CAMTA1: variants seen among roughly 807,000 people sequenced by gnomAD.
CAMTA1 encodes calmodulin-binding transcription activator 1.
Under a neutral mutation model 170.9 loss-of-function variants are expected in CAMTA1, and 27 were observed. That is an observed-to-expected ratio of 0.16 (90% confidence interval 0.12 to 0.22). The LOEUF (loss-of-function observed/expected upper bound fraction) is 0.22, where lower values mean the gene tolerates loss of function less well. Among genes scored for constraint, CAMTA1 ranks in the 10% least tolerant of loss-of-function variants. CAMTA1 has a pLI of 1.00. For missense variants in CAMTA1, 1,619 were observed against 2,217.2 expected (o/e 0.73, Z 5.42); for synonymous variants, 833 against 891.5 (o/e 0.93, Z 1.17).
At chr1:6,993,044 G>T (rs773188617) in intron 3 of CAMTA1, among the ~76,000 whole-genome samples, 2 of 152,162 alleles carry the variant, frequency 1.3e-5, no homozygotes, top group African/African-American at 4.8e-5. Flanking sequence ...AACCACATAA[G>T]GGTGGATCTA....
At chr1:6,857,887 G>T (rs1255339684) in intron 3 of CAMTA1, among the ~76,000 whole-genome samples, 4 of 152,202 alleles carry the variant, frequency 2.6e-5, no homozygotes, top group Non-Finnish European at 5.9e-5. Context: ...CGGCCAGAAG[G>T]ATGTAATTTT....
chr1:6,941,170 A>G (rs1002513062), intron 3 of CAMTA1, among the ~76,000 whole-genome samples: 6 of 152,044 alleles, frequency 3.9e-5, no homozygotes, highest in African/African-American at 1.4e-4. Context: ...CCCCTCTGGT[A>G]TGTCTGAAGA....
chr1:7,347,371 G>T (rs564639145), intron 5 of CAMTA1, among the ~76,000 whole-genome samples: 3 of 152,308 alleles, frequency 2.0e-5, no homozygotes, highest in Non-Finnish European at 2.9e-5. Context: ...CAGCTCCAGA[G>T]CCCAGCCAGT....
In CAMTA1 at chr1:7,299,462, G is replaced by A. The variant is rs936627650; in HGVS notation, c.438+49836G>A. Among the ~76,000 whole-genome samples, 1 of 152,186 alleles carries A rather than the reference G, an allele frequency of 6.6e-6. No homozygotes were observed. On this transcript the variant is annotated intron_variant, in intron 5 of 22. Transcript: ENST00000303635. The surrounding 1 kb of genome is among the most constrained non-coding windows in gnomAD (Gnocchi z 4.7). ...ACCCCAGTAATCCAGGCTTTCTCTG[G>A]AATTCTCCCACTTGTTTATAGTCTG...
chr1:7,084,512 G>A (rs188697986), intron 3 of CAMTA1, among the ~76,000 whole-genome samples: 7 of 152,332 alleles, frequency 4.6e-5, no homozygotes, highest in East Asian at 1.9e-4. Flanking sequence ...TGAGAATTGC[G>A]TAGCCCTCCC....
At chr1:6,908,067 G>A (rs1277336255) in intron 3 of CAMTA1, among the ~76,000 whole-genome samples, 4 of 152,176 alleles carry the variant, frequency 2.6e-5, no homozygotes, top group African/African-American at 7.2e-5. Flanking sequence ...GTAAGTTGCT[G>A]TCCCTTCTGC....
chr1:6,802,562 T>C (rs748142550), intron 1 of CAMTA1, among the ~76,000 whole-genome samples: 55 of 152,164 alleles, frequency 3.6e-4, no homozygotes, highest in Admixed American at 6.5e-4. Flanking sequence ...AGAAAAGATA[T>C]TGACTCCTAA....
intron 6 of CAMTA1, among the ~76,000 whole-genome samples, chr1:7,614,611 A>G (rs1460151323): frequency 6.6e-6 from 1 of 152,170 alleles, no homozygotes; most frequent in Non-Finnish European, 1.5e-5. Context: ...CGTTATTAAC[A>G]TTCCTCACTT....
chr1:7,758,096 T>A (rs2096944321), intron 22 of CAMTA1, among the ~76,000 whole-genome samples: 1 of 152,226 alleles, frequency 6.6e-6, no homozygotes, highest in Admixed American at 6.5e-5. Flanking sequence ...CATGCCCTAG[T>A]GTTCAGTTCA....
At chr1:7,728,811 T>C (rs909929261) in intron 11 of CAMTA1, among the ~76,000 whole-genome samples, 2 of 152,212 alleles carry the variant, frequency 1.3e-5, no homozygotes, top group African/African-American at 4.8e-5. Flanking sequence ...CAAAGAGGCA[T>C]GGCATCTGGA....
At chr1:6,860,828 C>A (rs772122840) in intron 3 of CAMTA1, among the ~76,000 whole-genome samples, 1 of 152,030 alleles carries the variant, frequency 6.6e-6, no homozygotes, top group Admixed American at 6.5e-5. Context: ...GGGAGAACTG[C>A]TTGAACCCGG....
chr1:7,712,706 A>T (rs2149681446), intron 11 of CAMTA1, among the ~76,000 whole-genome samples: 1 of 152,310 alleles, frequency 6.6e-6, no homozygotes, highest in East Asian at 1.9e-4. Flanking sequence ...GGATAGGGAA[A>T]TAGTCCATTT....
rs543300935 is a variant in CAMTA1 at position 7,092,240 on chromosome 1, C to T, written c.302+869C>T. 2.6e-5 allele frequency among the ~76,000 whole-genome samples: 4 copies of T among 152,286 alleles called. No individual in the cohort carries two copies. The highest frequency in any genetic ancestry group is 4.4e-5 in the Non-Finnish European group (3 of 68,030). The stretch of plus-strand genomic sequence containing the variant: ...GTGGTGGAATGTCCAGTTGGTTTCA[C>T]GTTGGACAGAAGCCCCAGAGTCCCC... On this transcript the variant is annotated intron_variant, in intron 4 of 22. Coordinates refer to ENST00000303635, the MANE Select transcript of CAMTA1 (RefSeq NM_015215.4). This position sits in a 1 kb window ranked among gnomAD's most constrained non-coding sequence, Gnocchi z 5.0.
chr1:7,680,872 A>AGCAGCAGCAGCTGCT lies in CAMTA1; in HGVS notation c.2914+3142_2914+3156dup, dbSNP rs538866827. On this transcript the variant is annotated intron_variant, in intron 11 of 22. Coordinates refer to ENST00000303635, the MANE Select transcript of CAMTA1 (RefSeq NM_015215.4). This position sits in a 1 kb window ranked among gnomAD's most constrained non-coding sequence, Gnocchi z 4.4. ...CGCGCGCGCGCGCGCCAGCAGCAGCAGCAGCAGCAGCTGCTGCGGCGAAGT... is the reference window on the plus strand; with the variant it reads ...CGCGCGCGCGCGCGCCAGCAGCAGCAGCAGCAGCAGCTGCTGCAGCAGCAGCTGCTGCGGCGAAGT... 0.014 allele frequency among the ~76,000 whole-genome samples: 2,066 copies of AGCAGCAGCAGCTGCT among 145,908 alleles called. 34 individuals are homozygous for AGCAGCAGCAGCTGCT. Among genetic ancestry groups the AGCAGCAGCAGCTGCT allele is most frequent in the Non-Finnish European group, 0.02 (1,340 of 65,510 alleles).
intron 6 of CAMTA1, among the ~76,000 whole-genome samples, chr1:7,514,798 C>T (rs1575740673): frequency 2.0e-5 from 3 of 152,166 alleles, no homozygotes; most frequent in African/African-American, 7.2e-5. Flanking sequence ...GCCTGGAGTG[C>T]CTGAGAATGT....
chr1:7,493,056 C>A (rs908575368), intron 6 of CAMTA1, among the ~76,000 whole-genome samples: 2 of 94,460 alleles, frequency 2.1e-5, no homozygotes, highest in Non-Finnish European at 4.1e-5. Context: ...CCTACATACA[C>A]ACGCGCGCAC....
At chr1:7,171,415 C>G (rs1052780100) in intron 4 of CAMTA1, among the ~76,000 whole-genome samples, 4 of 152,180 alleles carry the variant, frequency 2.6e-5, no homozygotes. Context: ...CTTTCCAGCC[C>G]TGCTCAAATG....
intron 6 of CAMTA1, among the ~76,000 whole-genome samples, chr1:7,544,349 AC>A (rs1260506113): frequency 6.6e-6 from 1 of 152,238 alleles, no homozygotes; most frequent in African/African-American, 2.4e-5. Context: ...CCCTCCCACA[AC>A]ATGTGGGAAT....
rs1372741571 is a variant in CAMTA1 at position 7,347,354 on chromosome 1, GC to G, written c.438+97731del. On this transcript the variant is annotated intron_variant, in intron 5 of 22. Transcript: ENST00000303635. ...GCCCAAGGTCACAGAGTGGTCCGGT[GC>G]CCAGGCAGCTCCAGAGCCCAGCCAG... Among the ~76,000 whole-genome samples, 13 of 152,282 alleles carry G rather than the reference GC, an allele frequency of 8.5e-5. 1 individual carries two copies. The South Asian group carries it at 2.5e-3, about 29-fold the overall frequency.
Sources: gnomAD v4.1 joint callset for allele counts (sites outside exome capture counted in the v4.1 genomes callset) on GRCh38, gnomAD v4.1.1 for gene constraint, Gnocchi (gnomAD v3.1) non-coding constraint, MANE v1.5 for transcripts, NCBI Gene and HGNC (gene_info 2026-07-23, HGNC 2026-07-21) for gene names.